RCAN2: variants seen among roughly 807,000 people sequenced by gnomAD.
The protein encoded by RCAN2 is regulator of calcineurin 2, also known as calcipressin-2.
In RCAN2, 9 loss-of-function variants were observed where a neutral mutation model predicts 23.6. The observed-to-expected ratio is 0.38, with a 90% CI of 0.23 to 0.67. The LOEUF is 0.67. Ranked by LOEUF, RCAN2 falls within the 30% of genes least tolerant of loss-of-function variation. The pLI, the probability that RCAN2 is intolerant of heterozygous loss-of-function variation, is 0.51. For synonymous variants in RCAN2, 109 were observed against 115.7 expected (o/e 0.94, Z 0.37); for missense variants, 273 against 302.3 (o/e 0.90, Z 0.72).
chr6:46,364,433 A>T (rs1765105439), intron 2 of RCAN2, among the ~76,000 whole-genome samples: 2 of 152,118 alleles, frequency 1.3e-5, no homozygotes, highest in Admixed American at 1.3e-4. Flanking sequence ...ATTATTAGGC[A>T]GGGTTATCAG....
intron 2 of RCAN2, among the ~76,000 whole-genome samples, chr6:46,400,919 A>T (rs1766231467): frequency 6.6e-6 from 1 of 152,218 alleles, no homozygotes; most frequent in Admixed American, 6.5e-5. Flanking sequence ...CACCTGGGAT[A>T]GTTGTTAAGC....
intron 2 of RCAN2, among the ~76,000 whole-genome samples, chr6:46,303,669 A>G (rs1163012852): frequency 1.3e-5 from 2 of 152,040 alleles, no homozygotes; most frequent in African/African-American, 4.8e-5. Context: ...TCCAATCCTC[A>G]GGTTGACCAT....
At chr6:46,266,990 G>T (rs557717462) in intron 2 of RCAN2, among the ~76,000 whole-genome samples, 1 of 152,212 alleles carries the variant, frequency 6.6e-6, no homozygotes, top group African/African-American at 2.4e-5. Flanking sequence ...TGTAAATGAT[G>T]CAAAGGGTTT....
At chr6:46,474,879 C>T (rs2150443711) in intron 1 of RCAN2, among the ~76,000 whole-genome samples, 1 of 152,240 alleles carries the variant, frequency 6.6e-6, no homozygotes, top group East Asian at 1.9e-4. Context: ...TACCAATGCC[C>T]TACTGTACTC....
chr6:46,252,367 C>A (rs1766759985), intron 2 of RCAN2, among the ~76,000 whole-genome samples: 2 of 152,254 alleles, frequency 1.3e-5, no homozygotes, highest in Admixed American at 1.3e-4. Flanking sequence ...TTGTGTTGCC[C>A]AACAAATCCA....
intron 2 of RCAN2, among the ~76,000 whole-genome samples, chr6:46,268,123 G>A (rs1361433491): frequency 6.6e-6 from 1 of 152,228 alleles, no homozygotes; most frequent in Non-Finnish European, 1.5e-5. Flanking sequence ...ACCTGTGGGA[G>A]TTTGGATTTG....
chr6:46,426,794 T>A (rs1471002353), intron 2 of RCAN2, among the ~76,000 whole-genome samples: 1 of 151,914 alleles, frequency 6.6e-6, no homozygotes. Context: ...TTAAAAAGAG[T>A]ATAACACAGA....
rs575157885 is a variant in RCAN2 at position 46,468,887 on chromosome 6, G to A, written c.-2-11909C>T. 6.1e-6 allele frequency: 6 copies of A among 976,382 alleles called. No homozygotes were observed. In the African/African-American group the frequency reaches 7.0e-5, roughly 11 times the overall value. The allele number at this position is 976,382 out of a possible 1,614,324, so 60.5% of individuals were successfully genotyped here. On this transcript the variant is annotated intron_variant, in intron 1 of 4. Coordinates refer to ENST00000371374, the MANE Select transcript of RCAN2 (RefSeq NM_001251974.2). The stretch of plus-strand genomic sequence containing the variant: ...AGCTGTGTTAAATCCGGAAGGCTGA[G>A]TGTTTTCATTCTCTCCTCCTTAACT...
At chr6:46,472,170 T>TA (rs1204542095) in intron 1 of RCAN2, among the ~76,000 whole-genome samples, 1 of 152,014 alleles carries the variant, frequency 6.6e-6, no homozygotes, top group Non-Finnish European at 1.5e-5. Flanking sequence ...TCCTGTACTT[T>TA]ACATCAAGTA....
At position 46,367,022 on chromosome 6, in the gene RCAN2, G is replaced by GATATATATATATATATATATATATATCT. The variant is rs1765191955; in HGVS notation, c.225+89729_225+89730insAGATATATATATATATATATATATATAT. 3.4e-5 allele frequency among the ~76,000 whole-genome samples: 2 copies of GATATATATATATATATATATATATATCT among 59,690 alleles called. 1 individual carries two copies. The highest frequency in any genetic ancestry group is 7.7e-5 in the Non-Finnish European group (2 of 25,954). The allele number at this position is 59,690 out of a possible 152,430, so 39.2% of individuals were successfully genotyped here. On this transcript the variant is annotated intron_variant, in intron 2 of 4. Transcript: ENST00000371374. ...ATTTTATTTTCAGTTATCTGGGATG[G>GATATATATATATATATATATATATATCT]ATATATATATATATATATATATATA...
chr6:46,235,801 C>T (rs984912653), intron 4 of RCAN2, among the ~76,000 whole-genome samples: 1 of 152,152 alleles, frequency 6.6e-6, no homozygotes, highest in Admixed American at 6.5e-5. Flanking sequence ...CCATGACTAA[C>T]CCTCCCACCC....
At chr6:46,338,828 A>C (rs12055411) in intron 2 of RCAN2, among the ~76,000 whole-genome samples, 63,716 of 151,378 alleles carry the variant, frequency 0.42, 14,820 homozygotes, top group East Asian at 0.6. Flanking sequence ...GTCTGGCCAA[A>C]GTGGTGAAGC....
chr6:46,236,406 C>A (rs566653010), intron 4 of RCAN2, among the ~76,000 whole-genome samples: 1 of 151,100 alleles, frequency 6.6e-6, no homozygotes, highest in East Asian at 1.9e-4. Context: ...GACAGAAAAT[C>A]TTATGTTGCC....
intron 2 of RCAN2, among the ~76,000 whole-genome samples, chr6:46,268,377 C>G (rs1202965406): frequency 1.3e-5 from 2 of 152,186 alleles, no homozygotes; most frequent in African/African-American, 4.8e-5. Flanking sequence ...AGTCATTCAT[C>G]ATAGAACCCT....
intron 1 of RCAN2, among the ~76,000 whole-genome samples, chr6:46,482,310 C>T (rs570161430): frequency 5.0e-4 from 76 of 152,134 alleles, no homozygotes; most frequent in African/African-American, 1.7e-3. Context: ...ATACCAGTCC[C>T]CTTTTTTGGA....
chr6:46,411,518 A>T lies in RCAN2; in HGVS notation c.225+45234T>A, dbSNP rs184340680. Reference sequence around the variant, plus strand: ...GTATTTTTATCACAATAAATTCATTAAAAAATGGTTAGAGGCACAGGGACT... The same window carrying T: ...GTATTTTTATCACAATAAATTCATTTAAAAATGGTTAGAGGCACAGGGACT... On this transcript the variant is annotated intron_variant, in intron 2 of 4. Transcript: ENST00000371374. Among the ~76,000 whole-genome samples, 181 of 152,352 alleles carry T rather than the reference A, an allele frequency of 1.2e-3. 2 individuals carry two copies. The highest frequency in any genetic ancestry group is 1.9e-4 in the Non-Finnish European group (13 of 68,028).
intron 4 of RCAN2, among the ~76,000 whole-genome samples, chr6:46,229,787 C>T (rs1165502341): frequency 6.6e-6 from 1 of 152,210 alleles, no homozygotes; most frequent in Admixed American, 6.5e-5. Flanking sequence ...TCGTCAAAGT[C>T]ATTCTCCATC....
chr6:46,222,978 A>T lies in RCAN2; in HGVS notation c.*163T>A. 1 of 689,476 alleles carries T rather than the reference A, an allele frequency of 1.5e-6. No homozygotes were observed. The highest frequency in any genetic ancestry group is 2.5e-6 in the Non-Finnish European group (1 of 398,396). The allele number at this position is 689,476 out of a possible 1,614,324, so 42.7% of individuals were successfully genotyped here. On this transcript the variant is annotated 3_prime_UTR_variant, in exon 5 of 5. Coordinates refer to ENST00000371374, the MANE Select transcript of RCAN2 (RefSeq NM_001251974.2). ...AATGGGTATGATATGATCAGGAGAC[A>T]TATCACCTTTTCCTAGCCCTTTTGT...
intron 2 of RCAN2, among the ~76,000 whole-genome samples, chr6:46,291,358 TA>T (rs1762556875): frequency 6.7e-6 from 1 of 149,930 alleles, no homozygotes; most frequent in Non-Finnish European, 1.5e-5. Context: ...GAAAGACAGG[TA>T]GGGGGAAGTG....
Sources: gnomAD v4.1 joint callset for allele counts (sites outside exome capture counted in the v4.1 genomes callset) on GRCh38, gnomAD v4.1.1 for gene constraint, MANE v1.5 for transcripts, NCBI Gene and HGNC (gene_info 2026-07-23, HGNC 2026-07-21) for gene names.